The following USP33 variants were observed in gnomAD, a reference collection of about 807,000 sequenced individuals.
The protein encoded by USP33 is ubiquitin carboxyl-terminal hydrolase 33.
Under a neutral mutation model 124.2 loss-of-function variants are expected in USP33, and 46 were observed. The ratio of observed to expected loss-of-function variants is 0.37; its 90% confidence interval spans 0.29 to 0.47. The LOEUF (loss-of-function observed/expected upper bound fraction) is 0.47. Ranked by LOEUF, USP33 falls within the 20% of genes least tolerant of loss-of-function variation. The pLI, the probability that USP33 is intolerant of heterozygous loss-of-function variation, is 0.99. For missense variants in USP33, 851 were observed against 1,070.6 expected (o/e 0.79, Z 2.86); for synonymous variants, 350 against 352.3 (o/e 0.99, Z 0.07).
chr1:77,704,917 A>T (rs903805120), intron 21 of USP33, among the ~76,000 whole-genome samples: 2 of 152,192 alleles, frequency 1.3e-5, no homozygotes, highest in Non-Finnish European at 2.9e-5. Flanking sequence ...TGCAACAGGC[A>T]GAATGCTAAG....
chr1:77,735,233 C>A (rs1678302852), intron 6 of USP33, among the ~76,000 whole-genome samples: 1 of 152,080 alleles, frequency 6.6e-6, no homozygotes, highest in Non-Finnish European at 1.5e-5. Context: ...TTAAAACGAG[C>A]CATTGAATGA....
rs369179861 is a variant in USP33 at position 77,724,625 on chromosome 1, T to C, written c.1276+997A>G. Among the ~76,000 whole-genome samples, 185 of 152,324 alleles carry C rather than the reference T, an allele frequency of 1.2e-3. 1 individual carries two copies. Among genetic ancestry groups the C allele is most frequent in the African/African-American group, 4.3e-3 (178 of 41,572 alleles). ...AACCCAGTAACCCCACTTCTAGGTATTTGTCCTAGACAAATGAAAAAATGT... is the reference window on the plus strand; with the variant it reads ...AACCCAGTAACCCCACTTCTAGGTACTTGTCCTAGACAAATGAAAAAATGT... On this transcript the variant is annotated intron_variant, in intron 11 of 23. Transcript: ENST00000370794.
chr1:77,718,719 A>C, intron 15 of USP33, 78 bp from the exon 16 acceptor site: 1 of 1,154,106 alleles, frequency 8.7e-7, no homozygotes, highest in Non-Finnish European at 1.3e-6. Context: ...AATCTTTTAG[A>C]AAATGCAGAG....
At chr1:77,707,030 G>C (rs1286230194) in intron 21 of USP33, among the ~76,000 whole-genome samples, 1 of 152,132 alleles carries the variant, frequency 6.6e-6, no homozygotes, top group Non-Finnish European at 1.5e-5. Flanking sequence ...CAAAGAGGAG[G>C]TTACAGTACT....
At chr1:77,733,177 T>C (rs112241876) in intron 7 of USP33, among the ~76,000 whole-genome samples, 3,976 of 152,190 alleles carry the variant, frequency 0.026, 55 homozygotes, top group Middle Eastern at 0.078. Context: ...GCGAATCACT[T>C]GAACCCAGGA....
rs1264039984 is a variant in USP33 at position 77,697,488 on chromosome 1, A to C, written c.2579-14T>G. The stretch of plus-strand genomic sequence containing the variant: ...CAGAATCTGCTCCTTAAAATTACGT[A>C]GAAGAAATAATGTTTACAAACCTAT... On this transcript the variant is annotated splice_polypyrimidine_tract_variant and intron_variant, in intron 23 of 23. Coordinates refer to ENST00000370794, the MANE Select transcript of USP33 (RefSeq NM_201624.3). 1 of 1,587,542 alleles carries C rather than the reference A, an allele frequency of 6.3e-7. No homozygotes were observed. Among genetic ancestry groups the C allele is most frequent in the Admixed American group, 1.9e-5 (1 of 51,882 alleles).
At position 77,728,596 on chromosome 1, in the gene USP33, T is replaced by A; in HGVS notation, c.834A>T (p.Glu278Asp). 6.2e-7 allele frequency: 1 copy of A among 1,614,204 alleles called. No individual in the cohort carries two copies. Among genetic ancestry groups the A allele is most frequent in the Non-Finnish European group, 8.5e-7 (1 of 1,180,022 alleles). The stretch of plus-strand genomic sequence containing the variant: ...AATCTACATCCGACTGGCTCTTGTC[T>A]TCTTCCATTGTCTCCTCAGTGGTTA... ...QTITTEETME[E>D]DKSQSDVDFQ... The change falls in exon 10 of 24, where the codon GAA (glutamate) becomes GAT (aspartate). Residue 278 changes from glutamate (E) to aspartate (D), a missense_variant. Around this residue, in one of 4 missense-constraint regions of USP33, gnomAD observed 207 missense variants for 200.9 expected, o/e 1.03. Transcript: ENST00000370794.
chr1:77,737,456 A>G (rs1009107819), intron 5 of USP33, among the ~76,000 whole-genome samples: 3 of 152,222 alleles, frequency 2.0e-5, no homozygotes, highest in Non-Finnish European at 4.4e-5. Flanking sequence ...TCTAGAAAAA[A>G]TGTCTATTTG....
chr1:77,721,350 G>T, intron 14 of USP33, 145 bp from the exon 15 acceptor site: 1 of 776,820 alleles, frequency 1.3e-6, no homozygotes, highest in Non-Finnish European at 2.1e-6. Flanking sequence ...TCATGAATCA[G>T]GTTACTGTTT....
intron 1 of USP33, among the ~76,000 whole-genome samples, chr1:77,745,112 T>C (rs930938779): frequency 2.6e-5 from 4 of 152,226 alleles, no homozygotes; most frequent in Non-Finnish European, 5.9e-5. Flanking sequence ...TGCTCCTGTA[T>C]TGGGTGCATA....
At position 77,701,480 on chromosome 1, in the gene USP33, G is replaced by A. The variant is rs749113617; in HGVS notation, c.2407-9C>T. On this transcript the variant is annotated splice_polypyrimidine_tract_variant and intron_variant, in intron 21 of 23. Transcript: ENST00000370794. ...TGGAACGCTCTGTTAAGCTACAAGG[G>A]GGAAAAAAAACAGTCATCTAATATC... 5 of 1,600,790 alleles carry A rather than the reference G, an allele frequency of 3.1e-6. No homozygotes were observed. The South Asian group carries it at 5.6e-5, about 18-fold the overall frequency.
chr1:77,715,926 G>A, intron 17 of USP33, 58 bp from the exon 18 acceptor site: 1 of 1,533,402 alleles, frequency 6.5e-7, no homozygotes. Context: ...AAGAAAGGAG[G>A]ATAAACTTTT....
intron 21 of USP33, among the ~76,000 whole-genome samples, chr1:77,708,124 T>A (rs1674833209): frequency 6.6e-6 from 1 of 152,192 alleles, no homozygotes; most frequent in African/African-American, 2.4e-5. Context: ...TAAGTGCATA[T>A]GGGTGCTGAG....
intron 7 of USP33, 111 bp from the exon 8 acceptor site, chr1:77,730,842 T>C: frequency 1.6e-6 from 1 of 635,976 alleles, no homozygotes; most frequent in Non-Finnish European, 2.5e-6. Context: ...TATTTCTTTC[T>C]TTGATCCCTC....
chr1:77,699,845 T>C (rs991469387), intron 22 of USP33, among the ~76,000 whole-genome samples: 5 of 152,236 alleles, frequency 3.3e-5, no homozygotes, highest in African/African-American at 9.6e-5. Flanking sequence ...ATATACACTA[T>C]GGAATACTAC....
chr1:77,721,600 A>G (rs1222819745), intron 14 of USP33: 2 of 515,190 alleles, frequency 3.9e-6, no homozygotes, highest in African/African-American at 3.9e-5. Context: ...GCTTTAAAAC[A>G]TTTCACTTAT....
rs751866649 is a variant in USP33, at chr1:77,697,343, T to C, written c.2710A>G (p.Ile904Val). The C allele has an allele frequency of 1.2e-6, 2 of 1,601,378 alleles. No individual in the cohort carries two copies. Among genetic ancestry groups the C allele is most frequent in the Non-Finnish European group, 1.7e-6 (2 of 1,176,956 alleles). ...TACAAAGACCGAGTTTCTACTTCAA[T>C]TTTTTCTTCTGCTTGAAGTATATCT... is the stretch of plus-strand genomic sequence containing the variant. Reference protein sequence around the residue: ...DPDILQAEEKIEVETRSL With the variant: ...DPDILQAEEKVEVETRSL Residue 904 changes from isoleucine (I) to valine (V), a missense_variant, in exon 24 of 24, where the codon ATT becomes GTT. Around this residue, in one of 4 missense-constraint regions of USP33, gnomAD observed 142 missense variants for 141.8 expected, o/e 1.00. Transcript: ENST00000370794.
chr1:77,711,098 A>G, intron 21 of USP33, among the ~76,000 whole-genome samples: 1 of 152,222 alleles, frequency 6.6e-6, no homozygotes, highest in Non-Finnish European at 1.5e-5. Context: ...CAAAAGAATC[A>G]AAGTAGTACA....
intron 1 of USP33, among the ~76,000 whole-genome samples, chr1:77,751,903 T>C (rs1398741467): frequency 6.6e-6 from 1 of 152,044 alleles, no homozygotes; most frequent in Non-Finnish European, 1.5e-5. Flanking sequence ...TTAGCCAGGA[T>C]GGTCTCGATC....
Sources: allele counts gnomAD v4.1 joint callset (sites outside exome capture counted in the v4.1 genomes callset), GRCh38; gene constraint gnomAD v4.1.1; regional missense constraint gnomAD v4.1.1; transcripts MANE v1.5; gene names NCBI Gene and HGNC (gene_info 2026-07-23, HGNC 2026-07-21).